Variants in ZPBP observed in about 807,000 individuals in gnomAD.
ZPBP encodes zona pellucida-binding protein 1.
In ZPBP, 26 loss-of-function variants were observed where a neutral mutation model predicts 44.8. That is an observed-to-expected ratio of 0.58 (90% CI 0.43 to 0.81). The LOEUF is 0.81. Among genes scored for constraint, ZPBP ranks in the 30% least tolerant of loss-of-function variants. The pLI is 0.00. For synonymous variants in ZPBP, 174 were observed against 153.2 expected (o/e 1.14, Z -1.00); for missense variants, 409 against 434.0 (o/e 0.94, Z 0.51).
chr7:49,879,591 G>C (rs906507968), intron 2 of ZPBP, among the ~76,000 whole-genome samples: 11 of 152,100 alleles, frequency 7.2e-5, no homozygotes, highest in African/African-American at 2.7e-4. Context: ...AGCACTTCTG[G>C]GTCCTGACCC....
intron 4 of ZPBP, among the ~76,000 whole-genome samples, chr7:50,048,443 A>T (rs1800500556): frequency 6.6e-6 from 1 of 152,164 alleles, no homozygotes; most frequent in South Asian, 2.1e-4. Flanking sequence ...CACATGGAAC[A>T]TTCTCAAGGA....
At chr7:49,897,891 A>G (rs1333442608) in intron 2 of ZPBP, among the ~76,000 whole-genome samples, 1 of 152,208 alleles carries the variant, frequency 6.6e-6, no homozygotes, top group African/African-American at 2.4e-5. Flanking sequence ...CACAGTGAAT[A>G]TTAGAGAAAA....
chr7:50,007,764 G>GA (rs1798372537), intron 6 of ZPBP, among the ~76,000 whole-genome samples: 1 of 151,618 alleles, frequency 6.6e-6, no homozygotes, highest in South Asian at 2.1e-4. Flanking sequence ...GAGAATGAAG[G>GA]AAAAAATATA....
chr7:49,936,822 G>T (rs548357973), downstream of ZPBP, among the ~76,000 whole-genome samples: 5 of 152,132 alleles, frequency 3.3e-5, no homozygotes, highest in Non-Finnish European at 7.4e-5. Flanking sequence ...TGTGATGATT[G>T]TTGATTATTT....
intron 5 of ZPBP, among the ~76,000 whole-genome samples, chr7:50,029,845 C>T (rs62447762): frequency 2.0e-5 from 3 of 147,240 alleles, no homozygotes; most frequent in South Asian, 4.2e-4. Context: ...GTTGTTGTTG[C>T]TGTTGTTGTT....
chr7:49,945,766 T>C (rs1266300902), intron 7 of ZPBP, among the ~76,000 whole-genome samples: 3 of 152,136 alleles, frequency 2.0e-5, no homozygotes, highest in African/African-American at 7.2e-5. Flanking sequence ...CAACAGATTG[T>C]TGGGTCTTGT....
At chr7:49,996,052 G>A (rs1419613193) in intron 6 of ZPBP, among the ~76,000 whole-genome samples, 1 of 152,062 alleles carries the variant, frequency 6.6e-6, no homozygotes, top group Non-Finnish European at 1.5e-5. Context: ...TGCTCGAGGT[G>A]ATAGATATTG....
intron 5 of ZPBP, among the ~76,000 whole-genome samples, chr7:50,029,152 T>C (rs927576646): frequency 3.3e-5 from 5 of 151,996 alleles, no homozygotes; most frequent in South Asian, 4.1e-4. Context: ...AACAATGAAA[T>C]AGAATTGAGA....
chr7:50,038,564 A>G (rs1193659196), intron 4 of ZPBP, among the ~76,000 whole-genome samples: 1 of 152,340 alleles, frequency 6.6e-6, no homozygotes, highest in African/African-American at 2.4e-5. Flanking sequence ...ACAGTCAGAG[A>G]TAGCCCTGCC....
chr7:49,864,964 C>T (rs1790817312), intron 2 of ZPBP, among the ~76,000 whole-genome samples: 1 of 152,146 alleles, frequency 6.6e-6, no homozygotes, highest in African/African-American at 2.4e-5. Flanking sequence ...GTTTGTTTTT[C>T]AGTGCTCCTG....
chr7:49,886,291 T>C (rs757160150), intron 2 of ZPBP, among the ~76,000 whole-genome samples: 2 of 152,100 alleles, frequency 1.3e-5, no homozygotes, highest in Non-Finnish European at 2.9e-5. Flanking sequence ...ATGCAGACAA[T>C]AGAGTACATT....
chr7:50,024,126 C>A (rs566775052), intron 5 of ZPBP, among the ~76,000 whole-genome samples: 1 of 151,976 alleles, frequency 6.6e-6, no homozygotes, highest in East Asian at 1.9e-4. Context: ...CTCATGCCTG[C>A]AGGATGGCTG....
At chr7:49,864,997 G>A (rs2128721479) in intron 2 of ZPBP, among the ~76,000 whole-genome samples, 1 of 130,196 alleles carries the variant, frequency 7.7e-6, no homozygotes, top group Middle Eastern at 3.9e-3. Context: ...GAGGGGTAGA[G>A]CTGCCTACTC....
chr7:50,033,621 C>A (rs1799697214), intron 4 of ZPBP, among the ~76,000 whole-genome samples: 1 of 152,086 alleles, frequency 6.6e-6, no homozygotes, highest in African/African-American at 2.4e-5. Flanking sequence ...ATGACAAGTT[C>A]CAGCAAAGCC....
At chr7:50,091,784 G>A (rs1321679881) in intron 1 of ZPBP, among the ~76,000 whole-genome samples, 1 of 152,054 alleles carries the variant, frequency 6.6e-6, no homozygotes, top group East Asian at 1.9e-4. Flanking sequence ...TAGTGTGAGG[G>A]GCAGTATAAA....
chr7:49,951,045 A>G (rs971939033), intron 7 of ZPBP, among the ~76,000 whole-genome samples: 1 of 151,862 alleles, frequency 6.6e-6, no homozygotes, highest in African/African-American at 2.4e-5. Context: ...AGATAGCCAC[A>G]TGTCAAATAA....
intron 7 of ZPBP, among the ~76,000 whole-genome samples, chr7:49,952,048 T>C (rs1361039781): frequency 3.9e-5 from 6 of 151,924 alleles, no homozygotes; most frequent in Non-Finnish European, 8.8e-5. Flanking sequence ...TAGTGATAGT[T>C]GCCAGGGGGT....
chr7:49,981,305 AAT>A (rs1796868878), intron 7 of ZPBP, among the ~76,000 whole-genome samples: 4 of 58,130 alleles, frequency 6.9e-5, no homozygotes, highest in Admixed American at 2.8e-4. Context: ...TATTATATAT[AAT>A]TATATATTAT....
At chr7:49,906,110 C>T (rs1052243842) in intron 1 of ZPBP, among the ~76,000 whole-genome samples, 4 of 152,122 alleles carry the variant, frequency 2.6e-5, no homozygotes, top group Admixed American at 6.5e-5. Context: ...GCTTTGTCTA[C>T]GGAGTAGCCA....
Sources: gnomAD v4.1 joint callset for allele counts (sites outside exome capture counted in the v4.1 genomes callset) on GRCh38, gnomAD v4.1.1 for gene constraint, MANE v1.5 for transcripts, NCBI Gene and HGNC (gene_info 2026-07-23, HGNC 2026-07-21) for gene names.